Variants in IMMP2L observed in about 807,000 individuals in gnomAD.
The protein encoded by IMMP2L is inner mitochondrial membrane peptidase subunit 2.
IMMP2L carries 18 observed loss-of-function variants against 19.3 expected under a neutral mutation model. The observed-to-expected ratio is 0.93, with a 90% CI of 0.64 to 1.38. The LOEUF (loss-of-function observed/expected upper bound fraction) is 1.38, where lower values mean the gene tolerates loss of function less well. Among genes scored for constraint, IMMP2L ranks in the 40% most tolerant of loss-of-function variants. IMMP2L has a pLI of 0.00. For synonymous variants in IMMP2L, 76 were observed against 73.0 expected (o/e 1.04, Z -0.21); for missense variants, 233 against 218.2 (o/e 1.07, Z -0.43).
chr7:110,699,329 C>T (rs913703084), intron 5 of IMMP2L, among the ~76,000 whole-genome samples: 1 of 152,118 alleles, frequency 6.6e-6, no homozygotes, highest in Non-Finnish European at 1.5e-5. Context: ...GGACAAAGAG[C>T]CTATGATGCC....
At position 111,327,701 on chromosome 7, in the gene IMMP2L, T is replaced by C. The variant is rs552085319; in HGVS notation, c.239+159537A>G. Among the ~76,000 whole-genome samples the C allele has an allele frequency of 4.6e-5, 7 of 151,854 alleles. No individual in the cohort carries two copies. The East Asian group carries it at 7.7e-4, about 17-fold the overall frequency. Reference sequence around the variant, plus strand: ...AGTTAGAGGCTAGAAAGTAATCTTATGGTATATTAATAATTTAAAAGTCAT... The same window carrying C: ...AGTTAGAGGCTAGAAAGTAATCTTACGGTATATTAATAATTTAAAAGTCAT... On this transcript the variant is annotated intron_variant, in intron 3 of 5. Transcript: ENST00000405709.
At chr7:111,142,827 T>C (rs1209357826) in intron 3 of IMMP2L, among the ~76,000 whole-genome samples, 1 of 152,196 alleles carries the variant, frequency 6.6e-6, no homozygotes, top group Non-Finnish European at 1.5e-5. Flanking sequence ...CTCAATTAGA[T>C]GAACAACTCT....
At chr7:111,010,890 T>C (rs993298937) in intron 3 of IMMP2L, among the ~76,000 whole-genome samples, 5 of 151,910 alleles carry the variant, frequency 3.3e-5, no homozygotes, top group East Asian at 1.9e-4. Flanking sequence ...GAAGACAAGT[T>C]TGAGGTATAG....
At chr7:110,822,936 C>A (rs997976430) in intron 5 of IMMP2L, among the ~76,000 whole-genome samples, 3 of 151,994 alleles carry the variant, frequency 2.0e-5, no homozygotes, top group Admixed American at 6.6e-5. Flanking sequence ...GTACCTGGCA[C>A]GGGATCTGGC....
chr7:110,825,026 A>C (rs907799589), intron 5 of IMMP2L, among the ~76,000 whole-genome samples: 4 of 152,276 alleles, frequency 2.6e-5, no homozygotes, highest in African/African-American at 9.6e-5. Flanking sequence ...AAAAATCACA[A>C]GCACTCTTAT....
intron 3 of IMMP2L, among the ~76,000 whole-genome samples, chr7:111,458,548 C>T (rs1006092779): frequency 2.6e-5 from 4 of 152,084 alleles, no homozygotes; most frequent in Non-Finnish European, 5.9e-5. Flanking sequence ...TGCCTCTGCT[C>T]TACTTCCCTT....
chr7:111,513,896 C>A (rs563206951), intron 2 of IMMP2L, among the ~76,000 whole-genome samples: 3 of 151,806 alleles, frequency 2.0e-5, no homozygotes. Flanking sequence ...TGTGGATGAA[C>A]CTAGAGAACA....
At chr7:110,677,514 C>T (rs557503110) in intron 5 of IMMP2L, among the ~76,000 whole-genome samples, 13 of 152,216 alleles carry the variant, frequency 8.5e-5, no homozygotes, top group East Asian at 1.9e-4. Flanking sequence ...GCATACAGAA[C>T]GGATAAACAC....
chr7:111,487,660 T>C (rs1842767935), intron 2 of IMMP2L, among the ~76,000 whole-genome samples: 1 of 151,922 alleles, frequency 6.6e-6, no homozygotes, highest in African/African-American at 2.4e-5. Context: ...AAGAAGTGAG[T>C]CAAACCTCCT....
intron 3 of IMMP2L, among the ~76,000 whole-genome samples, chr7:111,362,678 T>C (rs760424352): frequency 2.0e-5 from 3 of 152,132 alleles, no homozygotes; most frequent in Non-Finnish European, 4.4e-5. Context: ...TTAGAAACCA[T>C]ATGAGTTGCA....
At chr7:111,477,219 G>C (rs1013573932) in intron 3 of IMMP2L, among the ~76,000 whole-genome samples, 2 of 152,056 alleles carry the variant, frequency 1.3e-5, no homozygotes, top group African/African-American at 4.8e-5. Flanking sequence ...CTTAGGTCCA[G>C]TGCCCACCCC....
intron 4 of IMMP2L, among the ~76,000 whole-genome samples, chr7:110,918,519 G>A (rs992100796): frequency 5.4e-5 from 8 of 148,534 alleles, no homozygotes; most frequent in African/African-American, 7.5e-5. Context: ...GCAATGGCGC[G>A]ATCTCGGCTC....
At chr7:111,179,723 C>T (rs2129610769) in intron 3 of IMMP2L, among the ~76,000 whole-genome samples, 1 of 152,208 alleles carries the variant, frequency 6.6e-6, no homozygotes, top group Admixed American at 6.6e-5. Context: ...TCCTACACGG[C>T]ATCTTCTTCC....
At chr7:111,291,096 T>C (rs1057123874) in intron 3 of IMMP2L, among the ~76,000 whole-genome samples, 4 of 152,100 alleles carry the variant, frequency 2.6e-5, no homozygotes, top group Admixed American at 2.0e-4. Context: ...ACTCCCTCCC[T>C]TAAAATCCAA....
intron 5 of IMMP2L, among the ~76,000 whole-genome samples, chr7:110,740,486 T>G (rs190327067): frequency 6.6e-6 from 1 of 152,214 alleles, no homozygotes; most frequent in African/African-American, 2.4e-5. Flanking sequence ...GATAAATTCC[T>G]GGAAATATAC....
chr7:110,775,363 T>C (rs1422011611), intron 5 of IMMP2L, among the ~76,000 whole-genome samples: 2 of 151,720 alleles, frequency 1.3e-5, no homozygotes, highest in Non-Finnish European at 2.9e-5. Context: ...GTTGAGTCAA[T>C]TGCTATGGGT....
In IMMP2L at chr7:110,958,929, A is replaced by G. The variant is rs561325020; in HGVS notation, c.305+4571T>C. Among the ~76,000 whole-genome samples the G allele has an allele frequency of 1.3e-5, 2 of 152,132 alleles. 1 individual carries two copies. Among genetic ancestry groups the G allele is most frequent in the Admixed American group, 1.3e-4 (2 of 15,252 alleles). On this transcript the variant is annotated intron_variant, in intron 4 of 5. Coordinates refer to ENST00000405709, the MANE Select transcript of IMMP2L (RefSeq NM_032549.4). ...AAAATGGAAGTCCTGCAACACTGTCATTCCCATTCTGCAGTAAAGCTAGGC... is the reference window on the plus strand; with the variant it reads ...AAAATGGAAGTCCTGCAACACTGTCGTTCCCATTCTGCAGTAAAGCTAGGC...
chr7:111,267,886 C>A (rs968338386), intron 3 of IMMP2L, among the ~76,000 whole-genome samples: 1 of 151,954 alleles, frequency 6.6e-6, no homozygotes, highest in Admixed American at 6.6e-5. Flanking sequence ...AAAATAGTGT[C>A]GGTTCATTCT....
At chr7:111,288,876 T>C (rs1820783012) in intron 3 of IMMP2L, among the ~76,000 whole-genome samples, 1 of 152,116 alleles carries the variant, frequency 6.6e-6, no homozygotes, top group Non-Finnish European at 1.5e-5. Flanking sequence ...CTCAAAGATG[T>C]AGAACCAGAA....
Sources: allele counts gnomAD v4.1 joint callset (sites outside exome capture counted in the v4.1 genomes callset), GRCh38; gene constraint gnomAD v4.1.1; transcripts MANE v1.5; gene names NCBI Gene and HGNC (gene_info 2026-07-23, HGNC 2026-07-21).